The following CDK13 variants were observed in gnomAD, a reference collection of about 807,000 sequenced individuals.
CDK13 encodes the protein cyclin dependent kinase 13.
A neutral mutation model predicts 137.6 loss-of-function variants in CDK13; 40 were observed. The observed-to-expected ratio is 0.29, with a 90% CI of 0.23 to 0.38. CDK13 has a LOEUF of 0.38. CDK13 is among the 10% of genes least tolerant of loss of function. CDK13 has a pLI of 1.00. For missense variants in CDK13, 1,704 were observed against 1,951.8 expected, an observed-to-expected ratio of 0.87 and a Z score of 2.39; for synonymous variants, 869 against 760.1, an observed-to-expected ratio of 1.14 and a Z score of -2.36.
intron 9 of CDK13, among the ~76,000 whole-genome samples, chr7:40,074,420 G>C (rs374196313): frequency 6.7e-4 from 102 of 152,020 alleles, no homozygotes; most frequent in Middle Eastern, 3.4e-3. Context: ...CTACGTGGGA[G>C]GCTGAGGCAG....
intron 9 of CDK13, among the ~76,000 whole-genome samples, chr7:40,076,433 T>C (rs1786545878): frequency 6.6e-6 from 1 of 152,138 alleles, no homozygotes; most frequent in African/African-American, 2.4e-5. Flanking sequence ...AGCATTAGCA[T>C]AGACATGAAG....
chr7:40,071,417 G>A (rs1372003865), intron 9 of CDK13: 1 of 152,304 alleles, frequency 6.6e-6, no homozygotes, highest in East Asian at 1.9e-4. Flanking sequence ...TCATATCTGT[G>A]ATGTGCTGTT....
chr7:39,978,290 G>T (rs1293077217), intron 1 of CDK13, among the ~76,000 whole-genome samples: 1 of 152,200 alleles, frequency 6.6e-6, no homozygotes. Flanking sequence ...CCAAATAATT[G>T]CAGCAGAGAG....
At chr7:39,982,809 G>A (rs930984031) in intron 1 of CDK13, among the ~76,000 whole-genome samples, 2 of 152,190 alleles carry the variant, frequency 1.3e-5, no homozygotes, top group Admixed American at 1.3e-4. Context: ...CTGCATAAAT[G>A]TCTTCTTTTG....
chr7:40,020,104 G>C (rs1785081655), intron 5 of CDK13, among the ~76,000 whole-genome samples: 1 of 151,988 alleles, frequency 6.6e-6, no homozygotes, highest in African/African-American at 2.4e-5. Flanking sequence ...GTCTTGCTCT[G>C]TCACCTAGGC....
At chr7:39,962,300 G>A (rs1208961314) in intron 1 of CDK13, among the ~76,000 whole-genome samples, 8 of 152,156 alleles carry the variant, frequency 5.3e-5, no homozygotes, top group Non-Finnish European at 1.0e-4. Context: ...AGCACCTGTT[G>A]TTTCCTGACT....
Position 39,951,784 on chromosome 7 carries a change from C to T in CDK13, c.1143C>T (p.Asp381=), listed in dbSNP as rs376497004. The stretch of plus-strand genomic sequence containing the variant: ...ACAGCTCCTACGAGCGGGGCGGCGA[C>T]GTGTCCCCTAGTCCCTACAGCAGCA... ...SRHSSYERGG[D]VSPSPYSSSS... is the part of the protein sequence containing the mutation. Residue 381 remains aspartate, a synonymous_variant, in exon 1 of 14, where the codon GAC becomes GAT. Transcript: ENST00000181839. The T allele has an allele frequency of 5.4e-5, 79 of 1,475,076 alleles. No homozygotes were observed. Among genetic ancestry groups the T allele is most frequent in the Non-Finnish European group, 6.4e-5 (72 of 1,125,136 alleles). 91.4% of individuals were successfully genotyped at this position (1,475,076 alleles called of 1,614,324 possible).
Position 39,951,329 on chromosome 7 carries a change from A to AAGG in CDK13, c.690_691insGAG (p.Lys230_Ser231insGlu), listed in dbSNP as rs1787180021. ...GCAGCGCGGTGGCAGCGAGGCCTCC[A>AAGG]AGTCCCGCAGCCGCCACAGCCACAG... On this transcript the variant is annotated inframe_insertion, in exon 1 of 14. Coordinates refer to ENST00000181839, the MANE Select transcript of CDK13 (RefSeq NM_003718.5). 1 of 1,437,414 alleles carries AAGG rather than the reference A, an allele frequency of 7.0e-7. No individual in the cohort carries two copies. Among genetic ancestry groups the AAGG allele is most frequent in the Non-Finnish European group, 9.1e-7 (1 of 1,104,580 alleles). The allele number at this position is 1,437,414 out of a possible 1,614,324, so 89.0% of individuals were successfully genotyped here. A position where few individuals can be genotyped will look rare whatever the true frequency, so the allele number is the denominator to read the frequency against.
Position 40,045,822 on chromosome 7 carries a change from A to G in CDK13, c.2354-14A>G. The G allele has an allele frequency of 6.4e-7, 1 of 1,554,166 alleles. No individual in the cohort carries two copies. The highest frequency in any genetic ancestry group is 8.8e-7 in the Non-Finnish European group (1 of 1,134,306). On this transcript the variant is annotated splice_polypyrimidine_tract_variant and intron_variant, in intron 5 of 13. Coordinates refer to ENST00000181839, the MANE Select transcript of CDK13 (RefSeq NM_003718.5). ...GGAATAAGTTTCTAATGTATTAATT[A>G]TTCTCATTCTTAGGTGCATTTTATC...
Position 39,951,741 on chromosome 7 carries a change from C to G in CDK13, c.1100C>G (p.Ser367Cys). 6.7e-7 allele frequency: 1 copy of G among 1,492,642 alleles called. No individual in the cohort carries two copies. The highest frequency in any genetic ancestry group is 8.8e-7 in the Non-Finnish European group (1 of 1,132,046). The allele number at this position is 1,492,642 out of a possible 1,614,324, so 92.5% of individuals were successfully genotyped here. The part of the protein sequence containing the change: ...RSPSPYSRRR[S>C]PSYSRHSSYE... The stretch of plus-strand genomic sequence containing the variant: ...CCGAGCCCCTACAGTCGCCGCCGCT[C>G]CCCCAGCTACAGCCGCCACAGCTCC... Residue 367 changes from serine to cysteine, a missense_variant, in exon 1 of 14, where the codon TCC (serine) becomes TGC (cysteine). Physicochemically the swap from Ser to Cys is moderately radical, Grantham distance 112. Around this residue, in one of 5 missense-constraint regions of CDK13, gnomAD observed 1,051 missense variants for 931.0 expected, o/e 1.13. Transcript: ENST00000181839.
At chr7:40,000,107 T>G (rs1784651948) in intron 4 of CDK13, among the ~76,000 whole-genome samples, 1 of 152,160 alleles carries the variant, frequency 6.6e-6, no homozygotes, top group South Asian at 2.1e-4. Context: ...CGGGCGTGAT[T>G]GCTCATGCCT....
rs745995007 is a variant in CDK13 at position 40,047,719 on chromosome 7, AG to A, written c.2544-100del. The A allele has an allele frequency of 1.9e-3, 1,359 of 701,362 alleles. 2 individuals carry two copies. The highest frequency in any genetic ancestry group is 5.6e-3 in the Middle Eastern group (18 of 3,198). 43.4% of individuals were successfully genotyped at this position (701,362 alleles called of 1,614,324 possible). On this transcript the variant is annotated intron_variant, in intron 6 of 13. Coordinates refer to ENST00000181839, the MANE Select transcript of CDK13 (RefSeq NM_003718.5). Reference sequence around the variant, plus strand: ...GTGTGAGCAGAGTTAAAGTTTACATAGGTTTTTTTTTTTTAATCAGTTCTAG... The same window carrying A: ...GTGTGAGCAGAGTTAAAGTTTACATAGTTTTTTTTTTTTAATCAGTTCTAG...
At chr7:40,092,377 TAATA>T (rs1786944118) in intron 12 of CDK13, 2 of 161,604 alleles carry the variant, frequency 1.2e-5, no homozygotes, top group South Asian at 3.4e-4. Context: ...AGGAGGCTAA[TAATA>T]GAGTCTGCCT....
At chr7:40,015,084 T>C (rs996312893) in intron 5 of CDK13, among the ~76,000 whole-genome samples, 2 of 152,174 alleles carry the variant, frequency 1.3e-5, no homozygotes, top group African/African-American at 4.8e-5. Flanking sequence ...CACCAAATAA[T>C]GTCTTAAAGG....
At chr7:39,953,431 C>A (rs538005867) in intron 1 of CDK13, among the ~76,000 whole-genome samples, 3 of 152,204 alleles carry the variant, frequency 2.0e-5, no homozygotes, top group African/African-American at 7.2e-5. Flanking sequence ...GTGCTTGATG[C>A]AATTTTAAGA....
At chr7:40,020,683 G>T (rs1785098394) in intron 5 of CDK13, among the ~76,000 whole-genome samples, 1 of 152,180 alleles carries the variant, frequency 6.6e-6, no homozygotes, top group African/African-American at 2.4e-5. Flanking sequence ...CTAAATAAAA[G>T]TTGCTTAAAC....
chr7:39,965,959 G>A (rs1306896306), intron 1 of CDK13, among the ~76,000 whole-genome samples: 2 of 152,190 alleles, frequency 1.3e-5, no homozygotes, highest in African/African-American at 4.8e-5. Flanking sequence ...ACTCTCTTCT[G>A]GCTTGTAGAG....
At chr7:40,021,153 A>ACACACACACAC (rs781461656) in intron 5 of CDK13, among the ~76,000 whole-genome samples, 24 of 151,250 alleles carry the variant, frequency 1.6e-4, no homozygotes, top group Non-Finnish European at 2.5e-4. Context: ...ACACACACAT[A>ACACACACACAC]AAGTTTTAAG....
At chr7:40,025,772 A>G (rs952310106) in intron 5 of CDK13, among the ~76,000 whole-genome samples, 2 of 152,206 alleles carry the variant, frequency 1.3e-5, no homozygotes, top group African/African-American at 2.4e-5. Context: ...CCAATGTGCC[A>G]TTGAATTTAT....
Sources: gnomAD v4.1 joint callset for allele counts (sites outside exome capture counted in the v4.1 genomes callset) on GRCh38, gnomAD v4.1.1 for gene constraint, gnomAD v4.1.1 regional missense constraint, MANE v1.5 for transcripts, NCBI Gene and HGNC (gene_info 2026-07-23, HGNC 2026-07-21) for gene names.